The following EXOC5 variants were observed in gnomAD, a reference collection of about 807,000 sequenced individuals.
The protein encoded by EXOC5 is SEC10-like 1.
Under a neutral mutation model 90.8 loss-of-function variants are expected in EXOC5, and 17 were observed. That is an observed-to-expected ratio of 0.19 (90% confidence interval 0.13 to 0.28). The LOEUF (loss-of-function observed/expected upper bound fraction) is 0.28. Ranked by LOEUF, EXOC5 falls within the 10% of genes least tolerant of loss-of-function variation. The pLI is 1.00. For missense variants in EXOC5, 569 were observed against 830.6 expected, an observed-to-expected ratio of 0.69 and a Z score of 3.87; for synonymous variants, 260 against 270.0, an observed-to-expected ratio of 0.96 and a Z score of 0.36.
chr14:57,244,882 G>C (rs1433083298), intron 3 of EXOC5, among the ~76,000 whole-genome samples: 6 of 152,072 alleles, frequency 3.9e-5, no homozygotes, highest in African/African-American at 1.4e-4. Flanking sequence ...TGCAACCCCA[G>C]CTAGCTGGGA....
At chr14:57,263,500 G>C (rs1884576981) in intron 1 of EXOC5, among the ~76,000 whole-genome samples, 1 of 151,554 alleles carries the variant, frequency 6.6e-6, no homozygotes, top group Non-Finnish European at 1.5e-5. Context: ...AGGCACGGTG[G>C]CTCACGCTTG....
intron 5 of EXOC5, 167 bp from the exon 6 acceptor site, chr14:57,237,533 T>C (rs1449523913): frequency 2.1e-6 from 1 of 480,398 alleles, no homozygotes; most frequent in South Asian, 3.9e-5. Flanking sequence ...TAAAAGGTTA[T>C]TGTAAAAAGA....
chr14:57,231,741 A>G, intron 10 of EXOC5, 26 bp from the exon 11 acceptor site: 1 of 1,440,162 alleles, frequency 6.9e-7, no homozygotes, highest in Non-Finnish European at 9.6e-7. Context: ...GGGGAGAAAA[A>G]GATTAATATA....
chr14:57,253,537 C>T (rs894650786), intron 1 of EXOC5, among the ~76,000 whole-genome samples: 1 of 152,098 alleles, frequency 6.6e-6, no homozygotes, highest in African/African-American at 2.4e-5. Flanking sequence ...AATAGACAAA[C>T]CCCGAAGAGC....
Position 57,246,699 on chromosome 14 carries a change from C to A in EXOC5, c.270+12G>T, listed in dbSNP as rs774726147. On this transcript the variant is annotated intron_variant, in intron 3 of 17. Transcript: ENST00000621441. ...CCTATATAAAATACCCATTTCTTAA[C>A]AAAACGTTTACCTGATTGCTTTTCT... 24 of 1,605,682 alleles carry A rather than the reference C, an allele frequency of 1.5e-5. No individual in the cohort carries two copies. Among genetic ancestry groups the A allele is most frequent in the Non-Finnish European group, 2.0e-5 (24 of 1,176,860 alleles).
intron 3 of EXOC5, 60 bp downstream of exon 3, chr14:57,246,651 G>C: frequency 7.1e-7 from 1 of 1,417,222 alleles, no homozygotes; most frequent in Non-Finnish European, 9.8e-7. Flanking sequence ...GCTTAAAACT[G>C]GAAGAAAATA....
intron 7 of EXOC5, 86 bp from the exon 8 acceptor site, chr14:57,234,118 C>A: frequency 9.7e-7 from 1 of 1,030,896 alleles, no homozygotes; most frequent in Non-Finnish European, 1.5e-6. Context: ...TGTCATAAAG[C>A]TATGACTATT....
chr14:57,234,373 ACACC>A (rs1883585658), intron 7 of EXOC5, among the ~76,000 whole-genome samples: 1 of 150,912 alleles, frequency 6.6e-6, no homozygotes, highest in African/African-American at 2.5e-5. Context: ...ACACCCACTC[ACACC>A]CACCCACACA....
chr14:57,249,219 C>A (rs561623454), intron 1 of EXOC5, among the ~76,000 whole-genome samples: 2 of 152,190 alleles, frequency 1.3e-5, no homozygotes, highest in Admixed American at 1.3e-4. Context: ...ATTCAATTTA[C>A]AGTTGTGAAA....
At chr14:57,213,497 T>A (rs1882885130) in intron 15 of EXOC5, among the ~76,000 whole-genome samples, 1 of 151,726 alleles carries the variant, frequency 6.6e-6, no homozygotes, top group Admixed American at 6.6e-5. Context: ...AACCTCTGAC[T>A]GCCAGGTTCA....
Position 57,231,620 on chromosome 14 carries a change from T to C in EXOC5, c.1034A>G (p.Tyr345Cys), listed in dbSNP as rs747909339. 23 of 1,612,850 alleles carry C rather than the reference T, an allele frequency of 1.4e-5. No homozygotes were observed. The highest frequency in any genetic ancestry group is 2.7e-5 in the African/African-American group (2 of 74,880). ...CTCCACCTCAATATAGTTCTCCAAA[T>C]AGGAAATGAAAATGGATTTGATAAG... ...SKLIKSIFIS[Y>C]LENYIEVETG... Residue 345 changes from tyrosine to cysteine, a missense_variant, in exon 11 of 18, where the codon TAT becomes TGT. Coordinates refer to ENST00000621441, the MANE Select transcript of EXOC5 (RefSeq NM_006544.4).
At chr14:57,215,325 A>T (rs1219551747) in intron 15 of EXOC5, among the ~76,000 whole-genome samples, 4 of 152,196 alleles carry the variant, frequency 2.6e-5, no homozygotes, top group Non-Finnish European at 5.9e-5. Flanking sequence ...CTCATTTTAC[A>T]AAGACAGCAT....
Position 57,232,750 on chromosome 14 carries a change from C to CT in EXOC5, c.856-2dup. 2.8e-6 allele frequency: 4 copies of CT among 1,454,460 alleles called. No homozygotes were observed. Among genetic ancestry groups the CT allele is most frequent in the Non-Finnish European group, 3.8e-6 (4 of 1,056,400 alleles). The allele number at this position is 1,454,460 out of a possible 1,614,324, so 90.1% of individuals were successfully genotyped here. A position where few individuals can be genotyped will look rare whatever the true frequency, so the allele number is the denominator to read the frequency against. ...CTTCTAACTGCTCTTTCACAAAACT[C>CT]TAAAAGAAAAAGGTTAACATTCTGT... On this transcript the variant is annotated splice_acceptor_variant, in intron 9 of 17. Coordinates refer to ENST00000621441, the MANE Select transcript of EXOC5 (RefSeq NM_006544.4). LOFTEE classifies it high-confidence loss of function.
At chr14:57,255,084 G>A (rs1884311522) in intron 1 of EXOC5, among the ~76,000 whole-genome samples, 1 of 152,142 alleles carries the variant, frequency 6.6e-6, no homozygotes, top group South Asian at 2.1e-4. Flanking sequence ...TAGAAAAAAT[G>A]ACTTTGCTTG....
intron 1 of EXOC5, among the ~76,000 whole-genome samples, chr14:57,253,278 A>G (rs1178813763): frequency 1.3e-5 from 2 of 152,216 alleles, no homozygotes; most frequent in African/African-American, 4.8e-5. Flanking sequence ...AAACAATTCC[A>G]TTTACAACAG....
intron 5 of EXOC5, 112 bp downstream of exon 5, chr14:57,239,483 T>G: frequency 1.5e-6 from 1 of 660,064 alleles, no homozygotes. Flanking sequence ...CAGCAAGTGC[T>G]CAATAAATTT....
At chr14:57,236,164 G>A (rs781074380) in intron 6 of EXOC5, among the ~76,000 whole-genome samples, 6 of 152,106 alleles carry the variant, frequency 3.9e-5, no homozygotes, top group Non-Finnish European at 8.8e-5. Context: ...CATGGAAAGG[G>A]TGAAGAGGAC....
intron 1 of EXOC5, among the ~76,000 whole-genome samples, chr14:57,253,142 G>A (rs1310286845): frequency 2.6e-5 from 4 of 152,082 alleles, no homozygotes; most frequent in Admixed American, 1.3e-4. Context: ...AGGCTAAAGC[G>A]GAGGCAGGGA....
intron 15 of EXOC5, among the ~76,000 whole-genome samples, chr14:57,217,772 A>G (rs1883016681): frequency 6.6e-6 from 1 of 152,146 alleles, no homozygotes; most frequent in Non-Finnish European, 1.5e-5. Context: ...GGCATGTTAA[A>G]TGCCAAGATA....
Sources: gnomAD v4.1 joint callset for allele counts (sites outside exome capture counted in the v4.1 genomes callset) on GRCh38, gnomAD v4.1.1 for gene constraint, MANE v1.5 for transcripts, NCBI Gene and HGNC (gene_info 2026-07-23, HGNC 2026-07-21) for gene names.